ERLEC1: variants seen among roughly 807,000 people sequenced by gnomAD.
ERLEC1 encodes the protein ER lectin.
In ERLEC1, 47 loss-of-function variants were observed where a neutral mutation model predicts 68.0. The ratio of observed to expected loss-of-function variants is 0.69; its 90% confidence interval spans 0.55 to 0.88. ERLEC1 has a LOEUF of 0.88. Ranked by LOEUF, ERLEC1 falls within the 40% of genes least tolerant of loss-of-function variation. ERLEC1 has a pLI of 0.00. For missense variants in ERLEC1, 567 were observed against 583.8 expected, an observed-to-expected ratio of 0.97 and a Z score of 0.30; for synonymous variants, 225 against 203.2, an observed-to-expected ratio of 1.11 and a Z score of -0.91.
At chr2:53,792,165 T>C (rs6720668) in intron 1 of ERLEC1, among the ~76,000 whole-genome samples, 2,259 of 151,706 alleles carry the variant, frequency 0.015, 26 homozygotes, top group Non-Finnish European at 0.022. Flanking sequence ...GATCCGCCCG[T>C]TTCGGCCTCC....
At chr2:53,809,395 A>G (rs1676468938) in intron 10 of ERLEC1, 122 bp downstream of exon 10, 5 of 727,312 alleles carry the variant, frequency 6.9e-6, no homozygotes, top group African/African-American at 5.7e-5. Flanking sequence ...TATGATTAGT[A>G]TAATCAAAGT....
rs1676292023 is a variant in ERLEC1 at position 53,806,294 on chromosome 2, G to A, written c.880-2005G>A. 2.0e-5 allele frequency among the ~76,000 whole-genome samples: 3 copies of A among 152,144 alleles called. No homozygotes were observed. In the South Asian group the frequency reaches 6.2e-4, roughly 32 times the overall value. On this transcript the variant is annotated intron_variant, in intron 8 of 13. Transcript: ENST00000185150. The stretch of plus-strand genomic sequence containing the variant: ...ATTTTCCTTAAAAATGAAAATGGAT[G>A]TTCTGTCCAGAAGAAGTAGTAATAA...
chr2:53,796,110 G>GTTT, intron 3 of ERLEC1, 97 bp downstream of exon 3: 4 of 634,876 alleles, frequency 6.3e-6, no homozygotes, highest in Non-Finnish European at 9.9e-6. Flanking sequence ...GTTGTGTCAG[G>GTTT]TTTTTTTTTT....
At chr2:53,803,721 A>G (rs1046960009) in intron 8 of ERLEC1, among the ~76,000 whole-genome samples, 2 of 152,182 alleles carry the variant, frequency 1.3e-5, no homozygotes, top group African/African-American at 4.8e-5. Flanking sequence ...GTTGCACTCA[A>G]CCTGGGTAAA....
Position 53,806,824 on chromosome 2 carries a change from T to C in ERLEC1, c.880-1475T>C, listed in dbSNP as rs373857995. Among the ~76,000 whole-genome samples the C allele has an allele frequency of 1.3e-4, 20 of 152,300 alleles. No homozygotes were observed. In the East Asian group the frequency reaches 3.3e-3, roughly 25 times the overall value. Reference sequence around the variant, plus strand: ...AAATCATTCATTCATTTATAATCGGTGCACTCACTTTTTAAATTCAGGTCT... The same window carrying C: ...AAATCATTCATTCATTTATAATCGGCGCACTCACTTTTTAAATTCAGGTCT... On this transcript the variant is annotated intron_variant, in intron 8 of 13. Transcript: ENST00000185150.
Position 53,796,017 on chromosome 2 carries a change from T to C in ERLEC1, c.348+4T>C. ...ACAAAGCAGTTGTTCCTACAGAGTA[T>C]GTATTTTATGTTTACTTGATGACTA... is the stretch of plus-strand genomic sequence containing the variant. On this transcript the variant is annotated splice_donor_region_variant and intron_variant, in intron 3 of 13. Coordinates refer to ENST00000185150, the MANE Select transcript of ERLEC1 (RefSeq NM_015701.5). The C allele has an allele frequency of 1.9e-6, 3 of 1,570,920 alleles. No homozygotes were observed. Among genetic ancestry groups the C allele is most frequent in the Non-Finnish European group, 2.6e-6 (3 of 1,157,734 alleles).
intron 8 of ERLEC1, among the ~76,000 whole-genome samples, chr2:53,805,145 C>T (rs1296842191): frequency 1.3e-5 from 2 of 151,818 alleles, no homozygotes; most frequent in African/African-American, 4.8e-5. Flanking sequence ...GCCTCAGCCT[C>T]CTGAGTAGCT....
chr2:53,798,450 G>A (rs1352272250), intron 5 of ERLEC1, among the ~76,000 whole-genome samples: 9 of 151,772 alleles, frequency 5.9e-5, no homozygotes, highest in Non-Finnish European at 1.3e-4. Context: ...TTGTAGAGAT[G>A]GAATTTCGCC....
At chr2:53,799,302 C>A (rs1460015821) in intron 6 of ERLEC1, among the ~76,000 whole-genome samples, 1 of 152,130 alleles carries the variant, frequency 6.6e-6, no homozygotes, top group Non-Finnish European at 1.5e-5. Context: ...AAAAATAAAT[C>A]TATCACTGAT....
At chr2:53,788,360 G>A (rs997035780) in intron 1 of ERLEC1, among the ~76,000 whole-genome samples, 1 of 152,126 alleles carries the variant, frequency 6.6e-6, no homozygotes, top group Non-Finnish European at 1.5e-5. Context: ...ATTTGCAAGT[G>A]TTAGGGGTTT....
In ERLEC1 at chr2:53,787,162, C is replaced by G. The variant is rs1201803359; in HGVS notation, c.-49C>G. On this transcript the variant is annotated 5_prime_UTR_variant, in exon 1 of 14. Coordinates refer to ENST00000185150, the MANE Select transcript of ERLEC1 (RefSeq NM_015701.5). The stretch of plus-strand genomic sequence containing the variant: ...ACCTCCTCCTCCTCCTCCTCTCCTC[C>G]TGGAGCAGAGGAGGTTGTGGCGGTG... 6.5e-7 allele frequency: 1 copy of G among 1,536,998 alleles called. No homozygotes were observed. Among genetic ancestry groups the G allele is most frequent in the Non-Finnish European group, 8.7e-7 (1 of 1,144,022 alleles).
At position 53,808,337 on chromosome 2, in the gene ERLEC1, G is replaced by C. The variant is rs374779928; in HGVS notation, c.918G>C (p.Ala306=). ...LQSTKEERFP[A]IHKSIAIGSQ... ...CAACTAAAGAAGAGAGATTTCCAGC[G>C]ATCCACAAGTCGATTGCTATTGGCT... is the stretch of plus-strand genomic sequence containing the variant. The change falls in exon 9 of 14, where the codon GCG becomes GCC. Residue 306 remains alanine (A), a synonymous_variant. Coordinates refer to ENST00000185150, the MANE Select transcript of ERLEC1 (RefSeq NM_015701.5). 8.7e-6 allele frequency: 14 copies of C among 1,613,984 alleles called. No homozygotes were observed. In the African/African-American group the frequency reaches 1.9e-4, roughly 22 times the overall value.
rs1676993907 is a variant in ERLEC1, at chr2:53,818,025, C to A, written c.*56C>A. On this transcript the variant is annotated 3_prime_UTR_variant, in exon 14 of 14. Coordinates refer to ENST00000185150, the MANE Select transcript of ERLEC1 (RefSeq NM_015701.5). ...CATTGAAAGTCATGATAATTTCTGT[C>A]CCACTGTGTCTCATTATAGAGTTCT... is the stretch of plus-strand genomic sequence containing the variant. 2.7e-6 allele frequency: 3 copies of A among 1,112,530 alleles called. No homozygotes were observed. Among genetic ancestry groups the A allele is most frequent in the South Asian group, 1.2e-5 (1 of 80,448 alleles). 68.9% of individuals were successfully genotyped at this position (1,112,530 alleles called of 1,614,324 possible). A position where few individuals can be genotyped will look rare whatever the true frequency, so the allele number is the denominator to read the frequency against.
chr2:53,787,312 T>G lies in ERLEC1; in HGVS notation c.102T>G (p.Leu34=), dbSNP rs1411797179. ...AGGCGTCCGGCGGCGGCCGAGCCCT[T>G]CCTCAACTCAGCGATGACATCCCTT... ...LLEASGGGRA[L]PQLSDDIPFR... The change falls in exon 1 of 14, where the codon CTT becomes CTG. Residue 34 remains leucine (L), a synonymous_variant. Coordinates refer to ENST00000185150, the MANE Select transcript of ERLEC1 (RefSeq NM_015701.5). 6.2e-7 allele frequency: 1 copy of G among 1,611,218 alleles called. No homozygotes were observed. The highest frequency in any genetic ancestry group is 8.5e-7 in the Non-Finnish European group (1 of 1,179,964).
chr2:53,789,307 T>C (rs1165688506), intron 1 of ERLEC1, among the ~76,000 whole-genome samples: 1 of 144,842 alleles, frequency 6.9e-6, no homozygotes, highest in African/African-American at 2.6e-5. Flanking sequence ...GGCAGGAGAA[T>C]CGCTTAAACC....
At chr2:53,788,195 T>C (rs373239050) in intron 1 of ERLEC1, among the ~76,000 whole-genome samples, 25 of 152,156 alleles carry the variant, frequency 1.6e-4, no homozygotes, top group Non-Finnish European at 1.8e-4. Context: ...AAAAGCAAAA[T>C]TTTTTTAAAC....
intron 1 of ERLEC1, among the ~76,000 whole-genome samples, chr2:53,793,248 T>G (rs1488500577): frequency 6.6e-6 from 1 of 152,200 alleles, no homozygotes; most frequent in Non-Finnish European, 1.5e-5. Flanking sequence ...AAATAATATC[T>G]GTTGTATTAA....
At chr2:53,802,983 A>G (rs1436950585) in intron 8 of ERLEC1, among the ~76,000 whole-genome samples, 1 of 152,132 alleles carries the variant, frequency 6.6e-6, no homozygotes, top group South Asian at 2.1e-4. Flanking sequence ...CTTAGGCTTG[A>G]AGATGTGATT....
chr2:53,804,029 G>A (rs1676146660), intron 8 of ERLEC1, among the ~76,000 whole-genome samples: 1 of 152,182 alleles, frequency 6.6e-6, no homozygotes, highest in Admixed American at 6.5e-5. Context: ...TACTCGGGAG[G>A]ATGAGGCACA....
Sources: allele counts gnomAD v4.1 joint callset (sites outside exome capture counted in the v4.1 genomes callset), GRCh38; gene constraint gnomAD v4.1.1; transcripts MANE v1.5; gene names NCBI Gene and HGNC (gene_info 2026-07-23, HGNC 2026-07-21).